Variants in SLC25A26 observed in about 807,000 individuals in gnomAD.
SLC25A26 encodes the protein solute carrier family 25 member 26, also known as mitochondrial S-adenosylmethionine carrier protein.
In SLC25A26, 36 loss-of-function variants were observed where a neutral mutation model predicts 37.8. That is an observed-to-expected ratio of 0.95 (90% CI 0.73 to 1.26). The LOEUF (loss-of-function observed/expected upper bound fraction) is 1.26, where lower values mean the gene tolerates loss of function less well. SLC25A26 is among the 50% of genes most tolerant of loss of function. The pLI, the probability that SLC25A26 is intolerant of heterozygous loss-of-function variation, is 0.00. For synonymous variants in SLC25A26, 129 were observed against 122.5 expected, an observed-to-expected ratio of 1.05 and a Z score of -0.35; for missense variants, 390 against 331.1, an observed-to-expected ratio of 1.18 and a Z score of -1.38.
chr3:66,357,399 A>T (rs995630970), intron 6 of SLC25A26, among the ~76,000 whole-genome samples: 1 of 152,198 alleles, frequency 6.6e-6, no homozygotes, highest in Non-Finnish European at 1.5e-5. Context: ...GGGTAACAGA[A>T]CAAGATCCTG....
chr3:66,204,446 A>AGAAG (rs2071151371), intron 1 of SLC25A26, among the ~76,000 whole-genome samples: 1 of 148,146 alleles, frequency 6.8e-6, no homozygotes, highest in Non-Finnish European at 1.5e-5. Context: ...AAAAGAAAAA[A>AGAAG]AGAAAAAAGA....
intron 5 of SLC25A26, among the ~76,000 whole-genome samples, chr3:66,283,460 T>C (rs978521647): frequency 2.6e-5 from 4 of 152,050 alleles, no homozygotes; most frequent in African/African-American, 7.3e-5. Flanking sequence ...TTTGTATTTT[T>C]TTGTAGAGAT....
At chr3:66,290,152 G>T (rs553948434) in intron 5 of SLC25A26, among the ~76,000 whole-genome samples, 2 of 152,260 alleles carry the variant, frequency 1.3e-5, no homozygotes, top group South Asian at 4.1e-4. Flanking sequence ...TGTGATTTTT[G>T]CACATTGGTT....
At chr3:66,177,817 A>G (rs774471469) in intron 1 of SLC25A26, among the ~76,000 whole-genome samples, 1 of 152,248 alleles carries the variant, frequency 6.6e-6, no homozygotes, top group Non-Finnish European at 1.5e-5. Context: ...AATTTTAGAA[A>G]TACATGTGGC....
At chr3:66,348,039 C>A (rs1460503858) in intron 6 of SLC25A26, among the ~76,000 whole-genome samples, 3 of 152,156 alleles carry the variant, frequency 2.0e-5, no homozygotes, top group Non-Finnish European at 2.9e-5. Context: ...TAATACTTAG[C>A]TGATGGGTTG....
At chr3:66,361,849 C>T (rs888767567) in intron 6 of SLC25A26, among the ~76,000 whole-genome samples, 1 of 152,036 alleles carries the variant, frequency 6.6e-6, no homozygotes, top group Non-Finnish European at 1.5e-5. Flanking sequence ...CGCCTGTAGT[C>T]GCAGCTACTC....
At chr3:66,223,688 G>T (rs902831068) in intron 1 of SLC25A26, among the ~76,000 whole-genome samples, 11 of 152,140 alleles carry the variant, frequency 7.2e-5, no homozygotes, top group African/African-American at 2.7e-4. Flanking sequence ...ATTAAATGAG[G>T]TAACATTAAA....
At chr3:66,285,930 A>T (rs1467953925) in intron 5 of SLC25A26, among the ~76,000 whole-genome samples, 1 of 152,160 alleles carries the variant, frequency 6.6e-6, no homozygotes, top group Non-Finnish European at 1.5e-5. Context: ...GCTGTTTCTC[A>T]TAGTGGTTTT....
intron 5 of SLC25A26, among the ~76,000 whole-genome samples, chr3:66,343,197 G>A (rs890631371): frequency 2.6e-5 from 4 of 152,188 alleles, no homozygotes; most frequent in Admixed American, 2.6e-4. Flanking sequence ...TTTAGCTATG[G>A]AGCTGTATTT....
intron 5 of SLC25A26, among the ~76,000 whole-genome samples, chr3:66,292,948 A>C (rs949826888): frequency 6.6e-6 from 1 of 151,972 alleles, no homozygotes; most frequent in Admixed American, 6.6e-5. Flanking sequence ...TGGTCTTTTC[A>C]CATAGTCCTA....
At chr3:66,292,075 A>G (rs1290587253) in intron 5 of SLC25A26, among the ~76,000 whole-genome samples, 1 of 151,742 alleles carries the variant, frequency 6.6e-6, no homozygotes, top group African/African-American at 2.4e-5. Context: ...GTCTTTTTTT[A>G]TGTTTGTTGG....
chr3:66,227,315 TTTTG>T (rs1439536863), intron 1 of SLC25A26, among the ~76,000 whole-genome samples: 1 of 152,242 alleles, frequency 6.6e-6, no homozygotes, highest in Non-Finnish European at 1.5e-5. Context: ...TATGTCTGAT[TTTTG>T]TTTAACTTTG....
intron 5 of SLC25A26, among the ~76,000 whole-genome samples, chr3:66,338,951 G>T (rs1444768606): frequency 6.6e-6 from 1 of 151,934 alleles, no homozygotes; most frequent in African/African-American, 2.4e-5. Flanking sequence ...CCCGTTGTAT[G>T]TATATACCAT....
At chr3:66,304,497 G>A in intron 5 of SLC25A26, 1 of 454,668 alleles carries the variant, frequency 2.2e-6, no homozygotes, top group South Asian at 1.5e-5. Context: ...GTGAGCTTCT[G>A]TGAGTTGTTG....
chr3:66,201,355 T>A (rs1284750481), intron 1 of SLC25A26, among the ~76,000 whole-genome samples: 9 of 152,132 alleles, frequency 5.9e-5, no homozygotes, highest in African/African-American at 1.4e-4. Flanking sequence ...TAATTTTTTT[T>A]AAAGACAGGG....
chr3:66,357,575 A>G (rs1575605461), intron 6 of SLC25A26, among the ~76,000 whole-genome samples: 1 of 152,120 alleles, frequency 6.6e-6, no homozygotes, highest in African/African-American at 2.4e-5. Context: ...GCTTCTTCAC[A>G]TTCGGGCCCC....
intron 2 of SLC25A26, among the ~76,000 whole-genome samples, chr3:66,238,983 A>T (rs147368548): frequency 6.6e-6 from 1 of 152,296 alleles, no homozygotes; most frequent in East Asian, 1.9e-4. Flanking sequence ...TATGGTACCA[A>T]TCCTTTCACC....
chr3:66,330,433 G>A (rs1307391743), intron 5 of SLC25A26, among the ~76,000 whole-genome samples: 1 of 152,086 alleles, frequency 6.6e-6, no homozygotes, highest in African/African-American at 2.4e-5. Context: ...ATATATATGT[G>A]TGTGCGTGTT....
intron 5 of SLC25A26, among the ~76,000 whole-genome samples, chr3:66,290,686 C>T (rs985557525): frequency 1.3e-5 from 2 of 152,094 alleles, no homozygotes; most frequent in African/African-American, 4.8e-5. Context: ...GGTGGATAAG[C>T]TTGTCGGTGT....
Sources: allele counts gnomAD v4.1 joint callset (sites outside exome capture counted in the v4.1 genomes callset), GRCh38; gene constraint gnomAD v4.1.1; transcripts MANE v1.5; gene names NCBI Gene and HGNC (gene_info 2026-07-23, HGNC 2026-07-21).